ANKRD11: variants seen among roughly 807,000 people sequenced by gnomAD.
The protein encoded by ANKRD11 is ankyrin repeat domain 11.
A neutral mutation model predicts 195.7 loss-of-function variants in ANKRD11; 17 were observed. The ratio of observed to expected loss-of-function variants is 0.09; its 90% CI spans 0.06 to 0.13. The LOEUF (loss-of-function observed/expected upper bound fraction) is 0.13. ANKRD11 is among the 10% of genes least tolerant of loss of function. The probability of loss-of-function intolerance (pLI) is 1.00; values close to 1 mark genes in which losing one functional copy is unlikely to be tolerated. For missense variants in ANKRD11, 3,735 were observed against 3,566.1 expected (o/e 1.05, Z -1.21); for synonymous variants, 1,953 against 1,528.1 (o/e 1.28, Z -6.49).
chr16:89,341,147 C>T (rs528907645), intron 2 of ANKRD11, among the ~76,000 whole-genome samples: 3 of 152,248 alleles, frequency 2.0e-5, no homozygotes, highest in South Asian at 2.1e-4. Context: ...GTTTCCACTG[C>T]GAAAAGCCTG....
chr16:89,354,994 GCA>G (rs534744906), intron 2 of ANKRD11, among the ~76,000 whole-genome samples: 137 of 152,320 alleles, frequency 9.0e-4, no homozygotes, highest in Non-Finnish European at 1.5e-3. Flanking sequence ...CCCAGGAAAT[GCA>G]CAGATTCACA....
chr16:89,311,635 A>G (rs1422116007), intron 3 of ANKRD11, among the ~76,000 whole-genome samples: 1 of 152,240 alleles, frequency 6.6e-6, no homozygotes, highest in Non-Finnish European at 1.5e-5. Flanking sequence ...CTTACAGAAC[A>G]CAGGAAAAAC....
At chr16:89,324,507 G>C (rs1480061748) in intron 2 of ANKRD11, 2 of 456,190 alleles carry the variant, frequency 4.4e-6, no homozygotes, top group Admixed American at 2.4e-5. Flanking sequence ...GGAGCATCTT[G>C]AGGAAGCTGC....
At chr16:89,360,426 T>C (rs2039680418) in intron 2 of ANKRD11, 1 of 152,238 alleles carries the variant, frequency 6.6e-6, no homozygotes, top group Admixed American at 6.5e-5. Flanking sequence ...TAAACATTTA[T>C]AATGAATGAC....
intron 2 of ANKRD11, among the ~76,000 whole-genome samples, chr16:89,375,030 G>A (rs1220081669): frequency 1.3e-5 from 2 of 151,858 alleles, no homozygotes; most frequent in East Asian, 3.9e-4. Flanking sequence ...AAAATTAAAC[G>A]CTTATAAATA....
intron 2 of ANKRD11, among the ~76,000 whole-genome samples, chr16:89,337,562 G>A (rs556874953): frequency 2.8e-5 from 4 of 141,730 alleles, no homozygotes; most frequent in Admixed American, 1.5e-4. Context: ...TCAACCTCCC[G>A]AGTAGCTGGG....
At chr16:89,391,365 C>T (rs907749628) in intron 2 of ANKRD11, among the ~76,000 whole-genome samples, 3 of 152,124 alleles carry the variant, frequency 2.0e-5, no homozygotes, top group Non-Finnish European at 4.4e-5. Flanking sequence ...TCTTGCGGGA[C>T]TCAGTCCTCT....
At chr16:89,460,610 G>T (rs566741489) in intron 1 of ANKRD11, among the ~76,000 whole-genome samples, 5 of 152,116 alleles carry the variant, frequency 3.3e-5, no homozygotes, top group Non-Finnish European at 7.3e-5. Context: ...AGCAGCTCAC[G>T]CATGTAATCT....
chr16:89,407,193 TA>T (rs372802531), intron 2 of ANKRD11, among the ~76,000 whole-genome samples: 31 of 119,816 alleles, frequency 2.6e-4, no homozygotes, highest in South Asian at 1.5e-3. Context: ...CTCAAAAAGA[TA>T]AAAAAAAAAG....
chr16:89,433,988 G>T (rs578088646), intron 1 of ANKRD11, among the ~76,000 whole-genome samples: 36 of 152,310 alleles, frequency 2.4e-4, no homozygotes, highest in African/African-American at 7.7e-4. Context: ...TCTAAATACA[G>T]AAGTTTCCAG....
intron 1 of ANKRD11, among the ~76,000 whole-genome samples, chr16:89,485,386 C>T (rs1056609431): frequency 1.3e-5 from 2 of 151,526 alleles, no homozygotes; most frequent in Admixed American, 6.6e-5. Context: ...CCCAGCTACT[C>T]GGGAGGCTGA....
chr16:89,407,990 G>A (rs865859822), intron 2 of ANKRD11, among the ~76,000 whole-genome samples: 1 of 152,226 alleles, frequency 6.6e-6, no homozygotes, highest in African/African-American at 2.4e-5. Flanking sequence ...ATAGCGAAGT[G>A]TGGAAAATCA....
rs1440336123 is a variant in ANKRD11 at position 89,286,085 on chromosome 16, G to A, written c.846C>T (p.Leu282=). ...KVANSPTMVN[L]LLGKGTYTSS... is the part of the protein sequence containing the mutation. ...AAGTGTAAGTGCCTTTGCCTAACAG[G>A]AGGTTCACCATCGTGGGGGAGTTGG... is the stretch of plus-strand genomic sequence containing the variant. The change falls in exon 8 of 13, where the codon CTC becomes CTT. Residue 282 remains leucine, a synonymous_variant. Transcript: ENST00000301030. The A allele has an allele frequency of 6.2e-7, 1 of 1,614,232 alleles. No homozygotes were observed. Among genetic ancestry groups the A allele is most frequent in the Non-Finnish European group, 8.5e-7 (1 of 1,180,040 alleles).
intron 9 of ANKRD11, among the ~76,000 whole-genome samples, chr16:89,277,188 C>T (rs984628066): frequency 7.9e-5 from 12 of 152,218 alleles, no homozygotes; most frequent in African/African-American, 2.9e-4. Flanking sequence ...AGATGGGGCC[C>T]GTCGGTGGCA....
chr16:89,478,290 G>A (rs148106808), intron 1 of ANKRD11, among the ~76,000 whole-genome samples: 4 of 151,894 alleles, frequency 2.6e-5, no homozygotes, highest in South Asian at 4.2e-4. Context: ...CATGCACGTC[G>A]GACTATCACC....
At chr16:89,296,453 G>C (rs1307227263) in intron 4 of ANKRD11, among the ~76,000 whole-genome samples, 1 of 152,140 alleles carries the variant, frequency 6.6e-6, no homozygotes, top group Non-Finnish European at 1.5e-5. Flanking sequence ...TCTTTTGTTA[G>C]AACTTCCAAT....
chr16:89,284,751 C>G lies in ANKRD11; in HGVS notation c.1791G>C (p.Glu597Asp). The change falls in exon 9 of 13, where the codon GAG becomes GAC. Residue 597 changes from glutamate (E) to aspartate (D), a missense_variant. Glu to Asp is a conservative substitution (Grantham distance 45, BLOSUM62 2). Transcript: ENST00000301030. ...CCGACAGGGAGGCTCGCTTCCTGTG[C>G]TCCTGCCTCTTCCTCACTGGCTTCA... ...ESLKPVRKRQ[E>D]HRKRASLSEK... is the part of the protein sequence containing the mutation. 1 of 1,613,564 alleles carries G rather than the reference C, an allele frequency of 6.2e-7. No individual in the cohort carries two copies. The highest frequency in any genetic ancestry group is 8.5e-7 in the Non-Finnish European group (1 of 1,179,994).
intron 7 of ANKRD11, chr16:89,286,537 C>T (rs1000328556): frequency 6.3e-6 from 4 of 631,376 alleles, no homozygotes; most frequent in East Asian, 6.3e-5. Flanking sequence ...TCTCCCCTCC[C>T]GCCAACAGTG....
intron 2 of ANKRD11, among the ~76,000 whole-genome samples, chr16:89,378,894 T>G (rs1032760940): frequency 6.6e-6 from 1 of 151,208 alleles, no homozygotes; most frequent in African/African-American, 2.4e-5. Flanking sequence ...TTTCCAAGGC[T>G]GAAAACCTCT....
Sources: allele counts gnomAD v4.1 joint callset (sites outside exome capture counted in the v4.1 genomes callset), GRCh38; gene constraint gnomAD v4.1.1; transcripts MANE v1.5; gene names NCBI Gene and HGNC (gene_info 2026-07-23, HGNC 2026-07-21).